The following HHAT variants were observed in gnomAD, a reference collection of about 807,000 sequenced individuals.
HHAT encodes hedgehog acyltransferase, also known as protein-cysteine N-palmitoyltransferase HHAT.
Under a neutral mutation model 70.8 loss-of-function variants are expected in HHAT, and 47 were observed. The ratio of observed to expected loss-of-function variants is 0.66; its 90% CI spans 0.53 to 0.85. The LOEUF (loss-of-function observed/expected upper bound fraction) is 0.85, where lower values mean the gene tolerates loss of function less well. Ranked by LOEUF, HHAT falls within the 40% of genes least tolerant of loss-of-function variation. The probability of loss-of-function intolerance (pLI) is 0.00; values close to 1 mark genes in which losing one functional copy is unlikely to be tolerated. For synonymous variants in HHAT, 228 were observed against 247.6 expected, an observed-to-expected ratio of 0.92 and a Z score of 0.74; for missense variants, 609 against 604.8, an observed-to-expected ratio of 1.01 and a Z score of -0.07.
intron 9 of HHAT, among the ~76,000 whole-genome samples, chr1:210,542,493 A>AT (rs1399817827): frequency 3.6e-5 from 5 of 140,128 alleles, no homozygotes; most frequent in South Asian, 2.5e-4. Context: ...TAGTTAAAAA[A>AT]AAAATATATA....
chr1:210,487,983 G>A (rs906632145), intron 8 of HHAT, among the ~76,000 whole-genome samples: 21 of 152,142 alleles, frequency 1.4e-4, no homozygotes, highest in African/African-American at 5.1e-4. Context: ...CTGTAGCTCA[G>A]ATGATACATT....
At chr1:210,562,224 C>A (rs148887277) in intron 9 of HHAT, among the ~76,000 whole-genome samples, 1 of 149,952 alleles carries the variant, frequency 6.7e-6, no homozygotes, top group East Asian at 1.9e-4. Context: ...ACAATATTAG[C>A]AGCACAAATC....
intron 10 of HHAT, among the ~76,000 whole-genome samples, chr1:210,591,498 C>A (rs377664369): frequency 6.6e-6 from 1 of 152,108 alleles, no homozygotes; most frequent in Non-Finnish European, 1.5e-5. Context: ...AATAGTACTA[C>A]AGTAAACATG....
intron 7 of HHAT, among the ~76,000 whole-genome samples, chr1:210,419,301 T>G (rs1209166809): frequency 6.6e-6 from 1 of 152,192 alleles, no homozygotes; most frequent in African/African-American, 2.4e-5. Flanking sequence ...CCCTTTCCTG[T>G]GTGTCTGCCA....
intron 7 of HHAT, chr1:210,462,769 C>G (rs1214262363): frequency 6.6e-6 from 1 of 152,554 alleles, no homozygotes; most frequent in African/African-American, 2.4e-5. Context: ...CAGAAAGTGG[C>G]TTATGTTTTT....
In HHAT at chr1:210,343,578, G is replaced by C. The variant is rs368107579; in HGVS notation, c.-43-5355G>C. Reference sequence around the variant, plus strand: ...TTCGAGGTGGCATTCGTGTAATGGAGAGGTGAAAATGAAAGTGGAAAGTAC... The same window carrying C: ...TTCGAGGTGGCATTCGTGTAATGGACAGGTGAAAATGAAAGTGGAAAGTAC... On this transcript the variant is annotated intron_variant, in intron 1 of 11. Coordinates refer to ENST00000261458, the MANE Select transcript of HHAT (RefSeq NM_018194.6). 5.9e-5 allele frequency among the ~76,000 whole-genome samples: 9 copies of C among 152,188 alleles called. No individual in the cohort carries two copies. In the East Asian group the frequency reaches 1.5e-3, roughly 26 times the overall value.
intron 3 of HHAT, among the ~76,000 whole-genome samples, chr1:210,374,743 G>C (rs11119476): frequency 0.54 from 81,519 of 151,182 alleles, 23,427 homozygotes; most frequent in African/African-American, 0.76. Context: ...TACCTCTACC[G>C]AGCTTCCCCA....
intron 11 of HHAT, among the ~76,000 whole-genome samples, chr1:210,673,761 T>A (rs973287896): frequency 3.8e-5 from 2 of 52,760 alleles, no homozygotes; most frequent in African/African-American, 7.8e-5. Context: ...CTGGCTTATT[T>A]ATTATTTATT....
At chr1:210,390,408 A>T (rs1465471718) in intron 4 of HHAT, among the ~76,000 whole-genome samples, 1 of 152,228 alleles carries the variant, frequency 6.6e-6, no homozygotes, top group Middle Eastern at 3.2e-3. Flanking sequence ...TTCGTTTCTT[A>T]TTAGGAAGAT....
intron 9 of HHAT, among the ~76,000 whole-genome samples, chr1:210,519,700 T>G (rs1043709645): frequency 1.4e-5 from 2 of 144,344 alleles, no homozygotes; most frequent in African/African-American, 2.5e-5. Context: ...CAATTTTTTT[T>G]GTTTTTTGGT....
At chr1:210,584,503 T>A (rs1378267982) in intron 9 of HHAT, among the ~76,000 whole-genome samples, 1 of 152,126 alleles carries the variant, frequency 6.6e-6, no homozygotes, top group Non-Finnish European at 1.5e-5. Context: ...GTGGCCCATT[T>A]TTTGCCTCTG....
intron 9 of HHAT, among the ~76,000 whole-genome samples, chr1:210,521,430 C>G (rs911686355): frequency 2.6e-5 from 4 of 152,186 alleles, no homozygotes; most frequent in African/African-American, 9.7e-5. Context: ...TACCCTATAC[C>G]TGACCCTTTC....
chr1:210,404,677 C>T lies in HHAT; in HGVS notation c.682C>T (p.Gln228Ter). Residue 228 changes from glutamine (Q) to a stop codon, truncating the protein, a stop_gained and splice_region_variant, in exon 6 of 12, where the codon CAG becomes TAG. Transcript: ENST00000261458. LOFTEE classifies it high-confidence loss of function. ...PILSFSEFIK[Q>*]MQQQEHDSLK... The stretch of plus-strand genomic sequence containing the variant: ...CCTCAGCTTCTCGGAGTTCATCAAA[C>T]AGGTAGAGCCCGCTGGGGATGGGAT... 2 of 1,610,970 alleles carry T rather than the reference C, an allele frequency of 1.2e-6. No homozygotes were observed. Among genetic ancestry groups the T allele is most frequent in the Non-Finnish European group, 1.7e-6 (2 of 1,177,320 alleles).
At chr1:210,626,647 C>T (rs1029871921) in intron 11 of HHAT, among the ~76,000 whole-genome samples, 1 of 152,066 alleles carries the variant, frequency 6.6e-6, no homozygotes, top group African/African-American at 2.4e-5. Context: ...GAAAGTGAAC[C>T]AGATGGTGCC....
intron 6 of HHAT, among the ~76,000 whole-genome samples, chr1:210,406,227 A>G (rs936187811): frequency 6.6e-6 from 1 of 152,152 alleles, no homozygotes; most frequent in African/African-American, 2.4e-5. Context: ...CCACACACAG[A>G]CACCCCTCTC....
intron 9 of HHAT, among the ~76,000 whole-genome samples, chr1:210,564,001 T>C (rs2095646985): frequency 6.6e-6 from 1 of 152,218 alleles, no homozygotes; most frequent in Non-Finnish European, 1.5e-5. Flanking sequence ...TCATCCAGGC[T>C]GGAGTGCAGT....
chr1:210,581,668 A>G (rs1287420105), intron 9 of HHAT, among the ~76,000 whole-genome samples: 1 of 152,252 alleles, frequency 6.6e-6, no homozygotes, highest in African/African-American at 2.4e-5. Flanking sequence ...TAGGGTAATT[A>G]GGATTACAAA....
chr1:210,574,938 G>A (rs891170066), intron 9 of HHAT, among the ~76,000 whole-genome samples: 2 of 152,182 alleles, frequency 1.3e-5, no homozygotes, highest in African/African-American at 2.4e-5. Flanking sequence ...GATTAGGACC[G>A]GCAGGAGTGG....
Position 210,329,060 on chromosome 1 carries a change from G to C in HHAT, c.-88G>C. 7.0e-7 allele frequency: 1 copy of C among 1,429,282 alleles called. No individual in the cohort carries two copies. 88.5% of individuals were successfully genotyped at this position (1,429,282 alleles called of 1,614,324 possible). On this transcript the variant is annotated 5_prime_UTR_variant, in exon 1 of 12. Transcript: ENST00000261458. ...GAAAGAGGGGTGTTGGGAACTCGCGGCGCGCGTGAACGTTGCCGTCGCCGC... is the reference window on the plus strand; with the variant it reads ...GAAAGAGGGGTGTTGGGAACTCGCGCCGCGCGTGAACGTTGCCGTCGCCGC...
Sources: gnomAD v4.1 joint callset for allele counts (sites outside exome capture counted in the v4.1 genomes callset) on GRCh38, gnomAD v4.1.1 for gene constraint, MANE v1.5 for transcripts, NCBI Gene and HGNC (gene_info 2026-07-23, HGNC 2026-07-21) for gene names.